C16orf46: variants seen among roughly 807,000 people sequenced by gnomAD.
The protein encoded by C16orf46 is uncharacterized protein C16orf46.
C16orf46 carries 7 observed loss-of-function variants against 5.5 expected under a neutral mutation model. That is an observed-to-expected ratio of 1.28 (90% CI 0.73 to 2.40). The LOEUF (loss-of-function observed/expected upper bound fraction) is 2.40, where lower values mean the gene tolerates loss of function less well. Among genes scored for constraint, C16orf46 ranks in the 30% most tolerant of loss-of-function variants. The pLI is 0.00. For synonymous variants in C16orf46, 200 were observed against 184.1 expected, an observed-to-expected ratio of 1.09 and a Z score of -0.70; for missense variants, 614 against 476.0, an observed-to-expected ratio of 1.29 and a Z score of -2.70.
intron 2 of C16orf46, among the ~76,000 whole-genome samples, chr16:81,064,793 G>A (rs1299722119): frequency 1.3e-5 from 2 of 151,854 alleles, no homozygotes; most frequent in Non-Finnish European, 2.9e-5. Flanking sequence ...GGGAGAAGAT[G>A]GCCATCTACA....
chr16:81,063,406 G>C (rs1971550821), intron 3 of C16orf46, among the ~76,000 whole-genome samples: 1 of 152,104 alleles, frequency 6.6e-6, no homozygotes, highest in Non-Finnish European at 1.5e-5. Flanking sequence ...TTATTGGCTG[G>C]GTGATCTCGA....
chr16:81,054,045 G>T, exon 4 of C16orf46: 1 of 1,604,296 alleles, frequency 6.2e-7, no homozygotes. Flanking sequence ...TGCTGCTTAG[G>T]ACTGAATGTG....
Position 81,061,301 on chromosome 16 carries a change from T to G in C16orf46, c.1048A>C (p.Thr350Pro), listed in dbSNP as rs773616881. 61 of 1,613,982 alleles carry G rather than the reference T, an allele frequency of 3.8e-5. No homozygotes were observed. The highest frequency in any genetic ancestry group is 1.8e-4 in the Admixed American group (11 of 59,994). Residue 350 changes from threonine (T) to proline (P), a missense_variant, in exon 4 of 4, where the codon ACC (threonine) becomes CCC (proline). Coordinates refer to ENST00000299578, the MANE Select transcript of C16orf46 (RefSeq NM_152337.3). ...GCCTTTGGGAGAACATGCTTTCGGGTGATCACAGGAGATCTTGGCTCCTTG... is the reference window on the plus strand; with the variant it reads ...GCCTTTGGGAGAACATGCTTTCGGGGGATCACAGGAGATCTTGGCTCCTTG... ...KAKEPRSPVITRKHVLPKAKQ... is the reference protein window; with the variant it reads ...KAKEPRSPVIPRKHVLPKAKQ...
At chr16:81,066,720 T>C (rs1259083846) in intron 1 of C16orf46, among the ~76,000 whole-genome samples, 1 of 152,224 alleles carries the variant, frequency 6.6e-6, no homozygotes, top group Non-Finnish European at 1.5e-5. Context: ...GACTTACACA[T>C]TTGACGTAAA....
chr16:81,058,323 G>C (rs376666127), downstream of C16orf46, among the ~76,000 whole-genome samples: 2 of 152,150 alleles, frequency 1.3e-5, no homozygotes, highest in African/African-American at 4.8e-5. Flanking sequence ...CTGAGACTGT[G>C]TCCAAGAAAA....
chr16:81,068,456 C>T (rs1023792519), intron 1 of C16orf46, among the ~76,000 whole-genome samples: 1 of 151,944 alleles, frequency 6.6e-6, no homozygotes, highest in Admixed American at 6.6e-5. Context: ...ACCACCCGAC[C>T]AAGAACATAA....
rs139484883 is a variant in C16orf46, at chr16:81,070,492, C to G, written c.-127-4211G>C. Among the ~76,000 whole-genome samples, 285 of 152,196 alleles carry G rather than the reference C, an allele frequency of 1.9e-3. 1 individual carries two copies. Among genetic ancestry groups the G allele is most frequent in the African/African-American group, 6.5e-3 (270 of 41,524 alleles). On this transcript the variant is annotated intron_variant, in intron 1 of 3. Transcript: ENST00000299578. The stretch of plus-strand genomic sequence containing the variant: ...ATAAGGAATCCAGAAATACACCCCC[C>G]CAAACATGGCCAATAGTTTTTTTTA...
chr16:81,065,036 C>G lies in C16orf46; in HGVS notation c.-38-1043G>C, dbSNP rs1041550038. ...AATGGATGTTTTTCTGGAAAATGCA[C>G]TTGGCATTTAGAATCTAGACAAAGG... On this transcript the variant is annotated intron_variant, in intron 2 of 3. Transcript: ENST00000299578. Among the ~76,000 whole-genome samples, 8 of 33,226 alleles carry G rather than the reference C, an allele frequency of 2.4e-4. No homozygotes were observed. The Admixed American group carries it at 3.7e-3, about 15-fold the overall frequency. The allele number at this position is 33,226 out of a possible 152,430, so 21.8% of individuals were successfully genotyped here. A position where few individuals can be genotyped will look rare whatever the true frequency, so the allele number is the denominator to read the frequency against.
At chr16:81,059,163 A>G (rs868141721), downstream of C16orf46, among the ~76,000 whole-genome samples, 1 of 151,990 alleles carries the variant, frequency 6.6e-6, no homozygotes, top group South Asian at 2.1e-4. Context: ...TCTACTAATA[A>G]TACAAAAATG....
intron 1 of C16orf46, among the ~76,000 whole-genome samples, chr16:81,073,127 G>C (rs974099804): frequency 9.2e-5 from 14 of 152,190 alleles, no homozygotes; most frequent in African/African-American, 3.4e-4. Flanking sequence ...AAATACAGTT[G>C]CTGTTTCACA....
At chr16:81,065,710 C>A (rs1038146153) in intron 2 of C16orf46, among the ~76,000 whole-genome samples, 1 of 152,070 alleles carries the variant, frequency 6.6e-6, no homozygotes, top group Non-Finnish European at 1.5e-5. Context: ...GTGACCCATG[C>A]CAGAAAACTA....
intron 1 of C16orf46, among the ~76,000 whole-genome samples, chr16:81,072,847 G>T (rs1971903268): frequency 6.6e-6 from 1 of 152,014 alleles, no homozygotes; most frequent in African/African-American, 2.4e-5. Context: ...GATTACAGGC[G>T]TGCGCCACCA....
At chr16:81,066,898 C>T (rs1971671196) in intron 1 of C16orf46, among the ~76,000 whole-genome samples, 1 of 152,164 alleles carries the variant, frequency 6.6e-6, no homozygotes, top group Non-Finnish European at 1.5e-5. Context: ...GACGCATTTG[C>T]AGATGCAACT....
At chr16:81,057,557 G>C (rs1046067247), downstream of C16orf46, among the ~76,000 whole-genome samples, 1 of 136,768 alleles carries the variant, frequency 7.3e-6, no homozygotes, top group Non-Finnish European at 1.5e-5. Context: ...AAAAAAAAAA[G>C]TATGTGTTGG....
In C16orf46 at chr16:81,061,525, A is replaced by T. The variant is rs1289175922; in HGVS notation, c.824T>A (p.Val275Asp). Residue 275 changes from valine to aspartate, a missense_variant, in exon 4 of 4, where the codon GTC becomes GAC. Physicochemically the swap from Val to Asp is radical, Grantham distance 152. Coordinates refer to ENST00000299578, the MANE Select transcript of C16orf46 (RefSeq NM_152337.3). ...RASELAKHPM[V>D]NDTPSSPSPA... ...GGAAGGGGAGGATGGCGTGTCGTTG[A>T]CCATAGGGTGTTTGGCCAGCTCACT... 6.2e-7 allele frequency: 1 copy of T among 1,614,000 alleles called. No homozygotes were observed. Among genetic ancestry groups the T allele is most frequent in the Non-Finnish European group, 8.5e-7 (1 of 1,180,026 alleles).
At chr16:81,065,819 TTTGTTTTG>T (rs1971636678) in intron 2 of C16orf46, among the ~76,000 whole-genome samples, 1 of 7,944 alleles carries the variant, frequency 1.3e-4, no homozygotes, top group Non-Finnish European at 2.2e-3. Flanking sequence ...GTTTTTTTAT[TTTGTTTTG>T]TTTTGTTTTG....
chr16:81,072,359 A>T, intron 1 of C16orf46: 1 of 151,950 alleles, frequency 6.6e-6, no homozygotes, highest in East Asian at 1.9e-4. Flanking sequence ...ATAAAAAAGA[A>T]AAAAGAAACT....
chr16:81,070,506 T>C (rs1276243941), intron 1 of C16orf46, among the ~76,000 whole-genome samples: 3 of 152,084 alleles, frequency 2.0e-5, no homozygotes, highest in African/African-American at 7.2e-5. Flanking sequence ...ACATGGCCAA[T>C]AGTTTTTTTT....
intron 3 of C16orf46, among the ~76,000 whole-genome samples, chr16:81,063,436 A>T (rs1386159888): frequency 6.6e-6 from 1 of 152,022 alleles, no homozygotes; most frequent in African/African-American, 2.4e-5. Context: ...TTTATCTTCC[A>T]AGTGACTCAG....
Sources: allele counts gnomAD v4.1 joint callset (sites outside exome capture counted in the v4.1 genomes callset), GRCh38; gene constraint gnomAD v4.1.1; transcripts MANE v1.5; gene names NCBI Gene and HGNC (gene_info 2026-07-23, HGNC 2026-07-21).